SRGAP1: variants seen among roughly 807,000 people sequenced by gnomAD.
The protein encoded by SRGAP1 is SLIT-ROBO Rho GTPase activating protein 1, also known as SLIT-ROBO Rho GTPase-activating protein 1.
SRGAP1 carries 43 observed loss-of-function variants against 121.9 expected under a neutral mutation model. That is an observed-to-expected ratio of 0.35 (90% confidence interval 0.28 to 0.46). The LOEUF is 0.46. Among genes scored for constraint, SRGAP1 ranks in the 20% least tolerant of loss-of-function variants. SRGAP1 has a pLI of 1.00. For synonymous variants in SRGAP1, 447 were observed against 485.4 expected, an observed-to-expected ratio of 0.92 and a Z score of 1.04; for missense variants, 1,102 against 1,350.9, an observed-to-expected ratio of 0.82 and a Z score of 2.89.
At chr12:63,938,976 G>A (rs1325706409) in intron 1 of SRGAP1, among the ~76,000 whole-genome samples, 2 of 151,410 alleles carry the variant, frequency 1.3e-5, no homozygotes, top group African/African-American at 2.4e-5. Context: ...ACAACATGGT[G>A]AGATCCCATC....
At chr12:64,069,556 A>G (rs563242683) in intron 8 of SRGAP1, among the ~76,000 whole-genome samples, 1 of 152,314 alleles carries the variant, frequency 6.6e-6, no homozygotes, top group East Asian at 1.9e-4. Context: ...TGCATATGGA[A>G]TTAGAGCAGG....
chr12:64,001,172 T>G (rs2033885311), intron 3 of SRGAP1, among the ~76,000 whole-genome samples: 2 of 152,132 alleles, frequency 1.3e-5, no homozygotes, highest in African/African-American at 4.8e-5. Flanking sequence ...AGGTCTTATA[T>G]ATAATATTAA....
At chr12:63,924,710 G>T (rs2031192155) in intron 1 of SRGAP1, among the ~76,000 whole-genome samples, 1 of 152,146 alleles carries the variant, frequency 6.6e-6, no homozygotes, top group Non-Finnish European at 1.5e-5. Flanking sequence ...AGGGAGCAGT[G>T]TGGGGAACTC....
intron 3 of SRGAP1, among the ~76,000 whole-genome samples, chr12:63,996,298 G>A (rs1021316047): frequency 2.0e-5 from 3 of 151,774 alleles, no homozygotes; most frequent in African/African-American, 2.4e-5. Context: ...TATATGGCTT[G>A]GAAAGGTGCC....
rs1376924947 is a variant in SRGAP1 at position 64,143,771 on chromosome 12, C to T, written c.*1099C>T. 6.6e-6 allele frequency: 1 copy of T among 151,846 alleles called. No individual in the cohort carries two copies. Among genetic ancestry groups the T allele is most frequent in the African/African-American group, 2.4e-5 (1 of 41,252 alleles). 9.4% of individuals were successfully genotyped at this position (151,846 alleles called of 1,614,324 possible). On this transcript the variant is annotated 3_prime_UTR_variant, in exon 22 of 22. Coordinates refer to ENST00000355086, the MANE Select transcript of SRGAP1 (RefSeq NM_020762.4). ...CAGCCTGGGCAGCATAGTGTGAGAC[C>T]CTGTCTCTTAAAAAAAAAAAAAATG...
intron 1 of SRGAP1, among the ~76,000 whole-genome samples, chr12:63,875,736 G>A (rs931086888): frequency 3.3e-5 from 5 of 152,160 alleles, no homozygotes; most frequent in African/African-American, 7.2e-5. Context: ...ATGAAAATCC[G>A]TAATTCTTTG....
rs998428125 is a variant in SRGAP1 at position 64,144,646 on chromosome 12, C to T, written c.*1974C>T. ...AAATTTTCAGAGCCATACTTTTTGC[C>T]CATTTTGAAAAAGAAGCCCAGGACA... On this transcript the variant is annotated 3_prime_UTR_variant, in exon 22 of 22. Transcript: ENST00000355086. 1 of 151,914 alleles carries T rather than the reference C, an allele frequency of 6.6e-6. No homozygotes were observed. Among genetic ancestry groups the T allele is most frequent in the Non-Finnish European group, 1.5e-5 (1 of 68,024 alleles). 9.4% of individuals were successfully genotyped at this position (151,914 alleles called of 1,614,324 possible).
chr12:64,113,074 C>G (rs1180820839), intron 17 of SRGAP1, among the ~76,000 whole-genome samples: 5 of 151,678 alleles, frequency 3.3e-5, no homozygotes. Context: ...CCACTGCATT[C>G]CAGCCTGAGC....
At chr12:64,055,914 A>G (rs1238347677) in intron 6 of SRGAP1, among the ~76,000 whole-genome samples, 5 of 152,118 alleles carry the variant, frequency 3.3e-5, no homozygotes, top group South Asian at 2.1e-4. Flanking sequence ...ACCAGCGTTG[A>G]TCATCTTCCT....
At chr12:63,941,676 G>GAA (rs543399375) in intron 1 of SRGAP1, among the ~76,000 whole-genome samples, 20 of 117,570 alleles carry the variant, frequency 1.7e-4, no homozygotes, top group African/African-American at 3.7e-4. Flanking sequence ...ATGCCAGTTA[G>GAA]AAAAAAAAAA....
At chr12:63,868,654 G>A (rs943713833) in intron 1 of SRGAP1, among the ~76,000 whole-genome samples, 3 of 152,282 alleles carry the variant, frequency 2.0e-5, no homozygotes, top group Non-Finnish European at 2.9e-5. Context: ...GAGCCACTGC[G>A]CCTGGCCTGA....
chr12:63,979,022 G>A (rs923501540), intron 1 of SRGAP1, among the ~76,000 whole-genome samples: 26 of 134,824 alleles, frequency 1.9e-4, no homozygotes, highest in African/African-American at 6.7e-4. Context: ...AGAAATGTCT[G>A]TTGAGACCCT....
intron 1 of SRGAP1, among the ~76,000 whole-genome samples, chr12:63,921,458 A>G (rs1419747537): frequency 1.3e-5 from 2 of 152,140 alleles, no homozygotes; most frequent in Non-Finnish European, 2.9e-5. Context: ...CTCTCTGGGC[A>G]TCTCTTTGTT....
intron 8 of SRGAP1, among the ~76,000 whole-genome samples, chr12:64,074,363 A>G (rs1397463308): frequency 1.3e-5 from 2 of 152,190 alleles, no homozygotes; most frequent in African/African-American, 4.8e-5. Flanking sequence ...TTGATTCTCA[A>G]TTAAGTGTGG....
At chr12:64,017,183 A>G (rs2136465881) in intron 4 of SRGAP1, among the ~76,000 whole-genome samples, 171 bp downstream of exon 4, 1 of 152,294 alleles carries the variant, frequency 6.6e-6, no homozygotes, top group South Asian at 2.1e-4. Context: ...TCGCCACTCC[A>G]TTCCAATTTG....
intron 1 of SRGAP1, among the ~76,000 whole-genome samples, chr12:63,876,210 G>A (rs1390688671): frequency 6.6e-6 from 1 of 152,108 alleles, no homozygotes; most frequent in Non-Finnish European, 1.5e-5. Context: ...CAGAAAACAC[G>A]CTTGGAGAAA....
At chr12:63,943,608 C>A (rs2031940243) in intron 1 of SRGAP1, among the ~76,000 whole-genome samples, 1 of 152,050 alleles carries the variant, frequency 6.6e-6, no homozygotes, top group African/African-American at 2.4e-5. Flanking sequence ...AACAACTATT[C>A]TATGTTTTTT....
At position 64,044,674 on chromosome 12, in the gene SRGAP1, C is replaced by CTT. The variant is rs558248193; in HGVS notation, c.801+1123_801+1124dup. ...AGCTTATTAACACTCTGATGTGCCT[C>CTT]TTTTTTTTTTTTTTTTTTTTTTTTT... On this transcript the variant is annotated intron_variant, in intron 6 of 21. Transcript: ENST00000355086. 1.0e-3 allele frequency among the ~76,000 whole-genome samples: 72 copies of CTT among 72,102 alleles called. 4 individuals carry two copies. Among genetic ancestry groups the CTT allele is most frequent in the East Asian group, 2.4e-3 (7 of 2,884 alleles). 47.3% of individuals were successfully genotyped at this position (72,102 alleles called of 152,430 possible).
In SRGAP1 at chr12:63,971,221, CT is replaced by C. The variant is rs141139673; in HGVS notation, c.68-12723del. ...TTCCTGCCTATGTGTTCTCATAGTA[CT>C]TTCTTCATGCTTCCATGATAGGGCT... On this transcript the variant is annotated intron_variant, in intron 1 of 21. Coordinates refer to ENST00000355086, the MANE Select transcript of SRGAP1 (RefSeq NM_020762.4). Among the ~76,000 whole-genome samples the C allele has an allele frequency of 7.0e-3, 1,064 of 152,318 alleles. 19 individuals carry two copies. Among genetic ancestry groups the C allele is most frequent in the African/African-American group, 0.024 (1,006 of 41,578 alleles).
Sources: allele counts gnomAD v4.1 joint callset (sites outside exome capture counted in the v4.1 genomes callset), GRCh38; gene constraint gnomAD v4.1.1; transcripts MANE v1.5; gene names NCBI Gene and HGNC (gene_info 2026-07-23, HGNC 2026-07-21).